Variants in DHX15 observed in about 807,000 individuals in gnomAD.
DHX15 encodes the protein ATP-dependent RNA helicase DHX15.
DHX15 carries 11 observed loss-of-function variants against 94.4 expected under a neutral mutation model. The observed-to-expected ratio is 0.12, with a 90% CI of 0.07 to 0.19. The LOEUF (loss-of-function observed/expected upper bound fraction) is 0.19, where lower values mean the gene tolerates loss of function less well. Among genes scored for constraint, DHX15 ranks in the 10% least tolerant of loss-of-function variants. DHX15 has a pLI of 1.00. For missense variants in DHX15, 304 were observed against 988.5 expected, an observed-to-expected ratio of 0.31 and a Z score of 9.29; for synonymous variants, 338 against 329.9, an observed-to-expected ratio of 1.02 and a Z score of -0.27.
chr4:24,576,737 G>A (rs529870639), intron 1 of DHX15, 59 bp from the exon 2 acceptor site: 29 of 1,573,002 alleles, frequency 1.8e-5, no homozygotes, highest in East Asian at 9.0e-5. Context: ...TCACGGTAGC[G>A]TTATAATCAC....
intron 6 of DHX15, among the ~76,000 whole-genome samples, chr4:24,546,046 T>G (rs1482747955): frequency 2.6e-5 from 4 of 152,110 alleles, no homozygotes; most frequent in African/African-American, 9.7e-5. Flanking sequence ...TAACTCCACT[T>G]CAAAGTAGAA....
chr4:24,577,782 G>C (rs1174510127), intron 1 of DHX15, among the ~76,000 whole-genome samples: 1 of 152,074 alleles, frequency 6.6e-6, no homozygotes, highest in African/African-American at 2.4e-5. Flanking sequence ...GACTGGTGGT[G>C]GGAATAAAAT....
chr4:24,553,878 G>A (rs893570510), intron 5 of DHX15, among the ~76,000 whole-genome samples: 1 of 152,062 alleles, frequency 6.6e-6, no homozygotes, highest in African/African-American at 2.4e-5. Context: ...AGCCACTCAG[G>A]TATTCCACAG....
rs1451153258 is a variant in DHX15, at chr4:24,576,631, C to T, written c.119G>A (p.Arg40Gln). The T allele has an allele frequency of 1.9e-6, 3 of 1,613,394 alleles. No individual in the cohort carries two copies. Among genetic ancestry groups the T allele is most frequent in the Admixed American group, 1.7e-5 (1 of 59,966 alleles). ...DRDREDRSKD[R>Q]DRERDRGDRE... ...ATCTCCTCTATCACGTTCTCGGTCTCGATCTTTAGACCGATCTTCACGATC... is the reference window on the plus strand; with the variant it reads ...ATCTCCTCTATCACGTTCTCGGTCTTGATCTTTAGACCGATCTTCACGATC... Residue 40 changes from arginine (R) to glutamine (Q), a missense_variant, in exon 2 of 14, where the codon CGA becomes CAA. Physicochemically the swap from Arg to Gln is conservative, Grantham distance 43 (BLOSUM62 1). Transcript: ENST00000336812.
At chr4:24,552,777 G>A (rs748341464) in intron 5 of DHX15, among the ~76,000 whole-genome samples, 1 of 152,054 alleles carries the variant, frequency 6.6e-6, no homozygotes, top group Non-Finnish European at 1.5e-5. Context: ...AAGAAGCAAT[G>A]GTATGCAAAA....
In DHX15 at chr4:24,582,821, G is replaced by A. The variant is rs111557105; in HGVS notation, c.71+1502C>T. On this transcript the variant is annotated intron_variant, in intron 1 of 13. Transcript: ENST00000336812. ...TGAGTCTGTGACATACAGCTCAGAG[G>A]TATTAACGTTTTGTGGGGCGTAATG... Among the ~76,000 whole-genome samples, 510 of 152,256 alleles carry A rather than the reference G, an allele frequency of 3.3e-3. 3 individuals are homozygous for A. Among genetic ancestry groups the A allele is most frequent in the African/African-American group, 0.012 (483 of 41,540 alleles).
chr4:24,538,542 A>G (rs969320451), intron 10 of DHX15: 1 of 152,112 alleles, frequency 6.6e-6, no homozygotes, highest in Non-Finnish European at 1.5e-5. Context: ...TCAAAACTTC[A>G]AAAACTATTT....
In DHX15 at chr4:24,550,094, CAAAAAAAAAAA is replaced by C. The variant is rs58459661; in HGVS notation, c.1081-1083_1081-1073del. On this transcript the variant is annotated intron_variant, in intron 5 of 13. Transcript: ENST00000336812. ...GGGCAAAAAGAGGGAAACTCCGTCT[CAAAAAAAAAAA>C]AAAAAAAAAAAAAAAAAACGGTAAA... 8.6e-4 allele frequency among the ~76,000 whole-genome samples: 43 copies of C among 49,742 alleles called. 1 individual carries two copies. The highest frequency in any genetic ancestry group is 3.0e-3 in the East Asian group (3 of 1,016). The allele number at this position is 49,742 out of a possible 152,430, so 32.6% of individuals were successfully genotyped here.
chr4:24,538,993 T>C (rs1396215941), intron 10 of DHX15: 2 of 152,000 alleles, frequency 1.3e-5, no homozygotes, highest in Non-Finnish European at 2.9e-5. Context: ...TAAAACAACA[T>C]ATAAGAAAGG....
At chr4:24,534,125 G>A (rs184820040) in intron 11 of DHX15, 1 of 152,248 alleles carries the variant, frequency 6.6e-6, no homozygotes, top group East Asian at 1.9e-4. Context: ...TAACATATTA[G>A]AACACCCATT....
chr4:24,550,430 C>T (rs1289139644), intron 5 of DHX15, among the ~76,000 whole-genome samples: 1 of 152,092 alleles, frequency 6.6e-6, no homozygotes, highest in African/African-American at 2.4e-5. Flanking sequence ...AAAACACAAA[C>T]ACACCGTATG....
intron 5 of DHX15, among the ~76,000 whole-genome samples, chr4:24,550,246 G>A (rs1213654957): frequency 6.6e-6 from 1 of 151,874 alleles, no homozygotes; most frequent in Non-Finnish European, 1.5e-5. Flanking sequence ...GTACAGAACT[G>A]TAGACTTCAT....
intron 3 of DHX15, among the ~76,000 whole-genome samples, chr4:24,566,420 T>C (rs906269744): frequency 4.6e-5 from 7 of 152,216 alleles, no homozygotes; most frequent in Non-Finnish European, 8.8e-5. Context: ...GGTGCTTCAG[T>C]CAGCTGTTTC....
intron 1 of DHX15, among the ~76,000 whole-genome samples, chr4:24,582,553 A>C (rs1722439445): frequency 6.6e-6 from 1 of 152,182 alleles, no homozygotes; most frequent in Non-Finnish European, 1.5e-5. Flanking sequence ...ACAGCAATTT[A>C]TTTTTGCCTT....
At chr4:24,572,275 C>T (rs902321201) in intron 2 of DHX15, among the ~76,000 whole-genome samples, 55 of 152,174 alleles carry the variant, frequency 3.6e-4, no homozygotes, top group African/African-American at 1.3e-3. Context: ...GCTGGGACTA[C>T]AGGCACGTGC....
At chr4:24,575,758 CCTAG>C (rs1414894741) in intron 2 of DHX15, among the ~76,000 whole-genome samples, 1 of 152,142 alleles carries the variant, frequency 6.6e-6, no homozygotes, top group Non-Finnish European at 1.5e-5. Context: ...TAAAAAATAT[CCTAG>C]CTATATTACA....
intron 1 of DHX15, among the ~76,000 whole-genome samples, chr4:24,579,404 T>C (rs1722353155): frequency 6.6e-6 from 1 of 152,270 alleles, no homozygotes; most frequent in Non-Finnish European, 1.5e-5. Context: ...CATGCGTGTT[T>C]TCTTTTTTAA....
At chr4:24,563,980 T>C (rs1015209449) in intron 3 of DHX15, among the ~76,000 whole-genome samples, 24 of 145,350 alleles carry the variant, frequency 1.7e-4, no homozygotes, top group African/African-American at 5.9e-4. Context: ...GGCAGGAGAA[T>C]GGTGTGAACC....
In DHX15 at chr4:24,583,596, T is replaced by C. The variant is rs147677859; in HGVS notation, c.71+727A>G. On this transcript the variant is annotated intron_variant, in intron 1 of 13. Transcript: ENST00000336812. ...GGCAGAGAGCGGAAGTTTGCTAGTA[T>C]CTACTTTGAAGTGTTTGAATGGACC... is the stretch of plus-strand genomic sequence containing the variant. Among the ~76,000 whole-genome samples, 52 of 152,162 alleles carry C rather than the reference T, an allele frequency of 3.4e-4. No individual in the cohort carries two copies. The East Asian group carries it at 8.7e-3, about 25-fold the overall frequency.
Sources: gnomAD v4.1 joint callset for allele counts (sites outside exome capture counted in the v4.1 genomes callset) on GRCh38, gnomAD v4.1.1 for gene constraint, MANE v1.5 for transcripts, NCBI Gene and HGNC (gene_info 2026-07-23, HGNC 2026-07-21) for gene names.